Variants in CCDC28A observed in about 807,000 individuals in gnomAD.
CCDC28A encodes coiled-coil domain containing 28A.
In CCDC28A, 24 loss-of-function variants were observed where a neutral mutation model predicts 22.1. The observed-to-expected ratio is 1.09, with a 90% confidence interval of 0.79 to 1.53. CCDC28A has a LOEUF of 1.53. Ranked by LOEUF, CCDC28A falls within the 40% of genes most tolerant of loss-of-function variation. CCDC28A has a pLI of 0.00. For synonymous variants in CCDC28A, 83 were observed against 74.7 expected, an observed-to-expected ratio of 1.11 and a Z score of -0.57; for missense variants, 170 against 210.7, an observed-to-expected ratio of 0.81 and a Z score of 1.20.
intron 1 of CCDC28A, among the ~76,000 whole-genome samples, chr6:138,774,288 A>AT (rs377324942): frequency 9.2e-5 from 14 of 151,682 alleles, no homozygotes; most frequent in African/African-American, 2.7e-4. Context: ...TACTTCCTAG[A>AT]TTTTTTTTTC....
At chr6:138,782,745 C>T (rs550056683) in intron 3 of CCDC28A, among the ~76,000 whole-genome samples, 3 of 151,982 alleles carry the variant, frequency 2.0e-5, no homozygotes, top group African/African-American at 7.3e-5. Context: ...GAAGAAAGGA[C>T]GATTTTGAGA....
intron 5 of CCDC28A, among the ~76,000 whole-genome samples, chr6:138,789,228 G>T (rs1035055771): frequency 2.0e-5 from 3 of 152,244 alleles, no homozygotes; most frequent in East Asian, 3.9e-4. Context: ...AGAACAATGA[G>T]AAATGATCCT....
intron 3 of CCDC28A, among the ~76,000 whole-genome samples, chr6:138,783,034 T>A (rs1176665413): frequency 6.6e-6 from 1 of 152,184 alleles, no homozygotes; most frequent in African/African-American, 2.4e-5. Flanking sequence ...TATAAATTAG[T>A]TGCTCTGGGC....
chr6:138,780,652 G>A (rs1279753960), intron 3 of CCDC28A, among the ~76,000 whole-genome samples: 2 of 145,832 alleles, frequency 1.4e-5, no homozygotes, highest in Non-Finnish European at 3.0e-5. Flanking sequence ...TCGGCTCACT[G>A]CAACCTCCAC....
chr6:138,785,399 T>C lies in CCDC28A; in HGVS notation c.477+18T>C, dbSNP rs1051278389. The C allele has an allele frequency of 6.3e-7, 1 of 1,575,690 alleles. No homozygotes were observed. The highest frequency in any genetic ancestry group is 1.4e-5 in the African/African-American group (1 of 72,812). ...TGTCAGATGTAAGTGTAATTCTTTT[T>C]CTTTGTTCTTTAAAAAAAAATTTTT... is the stretch of plus-strand genomic sequence containing the variant. On this transcript the variant is annotated intron_variant, in intron 4 of 5. Coordinates refer to ENST00000617445, the MANE Select transcript of CCDC28A (RefSeq NM_015439.3).
chr6:138,777,182 G>A (rs1472009827), intron 2 of CCDC28A, among the ~76,000 whole-genome samples: 1 of 152,194 alleles, frequency 6.6e-6, no homozygotes, highest in African/African-American at 2.4e-5. Flanking sequence ...TGGCAAGTTA[G>A]CTAAGGAAAT....
At chr6:138,773,938 C>T (rs750606078) in intron 1 of CCDC28A, 36 bp downstream of exon 1, 23 of 1,603,792 alleles carry the variant, frequency 1.4e-5, no homozygotes, top group Non-Finnish European at 1.9e-5. Flanking sequence ...CCGCAACCTG[C>T]CCCTTTAGGC....
chr6:138,790,920 A>T (rs1007604408), intron 5 of CCDC28A, among the ~76,000 whole-genome samples: 5 of 152,084 alleles, frequency 3.3e-5, no homozygotes, highest in African/African-American at 4.8e-5. Context: ...ATAATCCAGG[A>T]CCTTGTCACC....
Position 138,785,189 on chromosome 6 carries a change from T to G in CCDC28A, c.323-38T>G, listed in dbSNP as rs200099976. The stretch of plus-strand genomic sequence containing the variant: ...TTTACTCAATGCTGTTAGTTTGAAC[T>G]GTCCTAATCATTATTAATGTTCTGG... On this transcript the variant is annotated intron_variant, in intron 3 of 5. Coordinates refer to ENST00000617445, the MANE Select transcript of CCDC28A (RefSeq NM_015439.3). The G allele has an allele frequency of 1.4e-3, 2,057 of 1,496,532 alleles. 4 individuals are homozygous for G. The highest frequency in any genetic ancestry group is 2.1e-3 in the Admixed American group (116 of 55,954). 92.7% of individuals were successfully genotyped at this position (1,496,532 alleles called of 1,614,324 possible).
chr6:138,786,332 A>C (rs1775093705), intron 4 of CCDC28A, among the ~76,000 whole-genome samples: 2 of 152,244 alleles, frequency 1.3e-5, no homozygotes, highest in Admixed American at 1.3e-4. Context: ...TACACTGTTT[A>C]GCACATAACA....
Position 138,778,495 on chromosome 6 carries a change from CAT to C in CCDC28A, c.159-1326_159-1325del, listed in dbSNP as rs1305394494. ...ATTTGAGAGCCTGGTATATGCCAGA[CAT>C]GTGTAATAAGGACTAGTTTAGGCTA... On this transcript the variant is annotated intron_variant, in intron 2 of 5. Transcript: ENST00000617445. Among the ~76,000 whole-genome samples the C allele has an allele frequency of 3.9e-5, 6 of 152,102 alleles. No homozygotes were observed. In the South Asian group the frequency reaches 8.3e-4, roughly 21 times the overall value.
intron 3 of CCDC28A, among the ~76,000 whole-genome samples, 160 bp downstream of exon 3, chr6:138,780,145 A>T (rs1309406655): frequency 1.3e-5 from 2 of 152,202 alleles, no homozygotes; most frequent in Non-Finnish European, 2.9e-5. Flanking sequence ...TTAGAATATA[A>T]TTTGCCTTCT....
Position 138,776,276 on chromosome 6 carries a change from AAG to A in CCDC28A, c.157_158del (p.Arg53SerfsTer28). The A allele has an allele frequency of 6.2e-7, 1 of 1,610,582 alleles. No homozygotes were observed. Among genetic ancestry groups the A allele is most frequent in the Non-Finnish European group, 8.5e-7 (1 of 1,176,796 alleles). ...CAACTTCACAGCGACCAAAGTTAAA[AAG>A]GTGAATTCTTTTATTTTACATGTTC... ...QSTSQRPKLKRVMKEKTKPQG... is the reference protein window; with the variant it reads ...QSTSQRPKLKXVMKEKTKPQG... On this transcript the variant is annotated frameshift_variant and splice_region_variant, in exon 2 of 6. Transcript: ENST00000617445. LOFTEE classifies it high-confidence loss of function.
rs371434427 is a variant in CCDC28A, at chr6:138,776,096, G to A, written c.-25G>A. ...TTATTTAGGTCTTAAGAAGCTGGCC[G>A]TGGTGCAATAAGGAACTTAAAACAA... is the stretch of plus-strand genomic sequence containing the variant. On this transcript the variant is annotated 5_prime_UTR_variant, in exon 2 of 6. The change creates a new upstream start codon in the 5' untranslated region. Coordinates refer to ENST00000617445, the MANE Select transcript of CCDC28A (RefSeq NM_015439.3). 9.7e-5 allele frequency: 157 copies of A among 1,613,808 alleles called. No homozygotes were observed. Among genetic ancestry groups the A allele is most frequent in the Admixed American group, 1.7e-4 (10 of 60,020 alleles).
At chr6:138,779,122 A>G (rs1381176864) in intron 2 of CCDC28A, among the ~76,000 whole-genome samples, 1 of 152,188 alleles carries the variant, frequency 6.6e-6, no homozygotes, top group Non-Finnish European at 1.5e-5. Flanking sequence ...CTTTTTGGAA[A>G]TGGACTTGGC....
intron 3 of CCDC28A, among the ~76,000 whole-genome samples, chr6:138,784,025 A>G (rs998150346): frequency 4.0e-5 from 6 of 151,376 alleles, no homozygotes; most frequent in Admixed American, 1.3e-4. Context: ...TTACAGGCAC[A>G]TGCCACCACG....
chr6:138,778,628 T>C (rs553722796), intron 2 of CCDC28A, among the ~76,000 whole-genome samples: 1 of 152,302 alleles, frequency 6.6e-6, no homozygotes, highest in South Asian at 2.1e-4. Flanking sequence ...GATGCTAATG[T>C]AGGCAGAGGA....
At chr6:138,777,435 A>T (rs1189697153) in intron 2 of CCDC28A, among the ~76,000 whole-genome samples, 2 of 152,348 alleles carry the variant, frequency 1.3e-5, no homozygotes, top group East Asian at 3.9e-4. Context: ...GAATAAGTTT[A>T]CAGTTGGTGG....
At chr6:138,777,373 A>T (rs570333267) in intron 2 of CCDC28A, among the ~76,000 whole-genome samples, 1 of 152,250 alleles carries the variant, frequency 6.6e-6, no homozygotes, top group Non-Finnish European at 1.5e-5. Context: ...CTTCGAATAA[A>T]TTATCAGAAT....
Sources: gnomAD v4.1 joint callset for allele counts (sites outside exome capture counted in the v4.1 genomes callset) on GRCh38, gnomAD v4.1.1 for gene constraint, MANE v1.5 for transcripts, NCBI Gene and HGNC (gene_info 2026-07-23, HGNC 2026-07-21) for gene names.